The following DCDC2 variants were observed in gnomAD, a reference collection of about 807,000 sequenced individuals.
DCDC2 encodes doublecortin domain-containing protein 2.
DCDC2 carries 40 observed loss-of-function variants against 50.2 expected under a neutral mutation model. That is an observed-to-expected ratio of 0.80 (90% CI 0.62 to 1.04). DCDC2 has a LOEUF of 1.04. DCDC2 is among the 50% of genes least tolerant of loss of function. The pLI, the probability that DCDC2 is intolerant of heterozygous loss-of-function variation, is 0.00. For synonymous variants in DCDC2, 234 were observed against 210.6 expected (o/e 1.11, Z -0.96); for missense variants, 570 against 581.9 (o/e 0.98, Z 0.21).
chr6:24,301,750 T>C lies in DCDC2; in HGVS notation c.522A>G (p.Thr174=), dbSNP rs1257312505. The C allele has an allele frequency of 6.2e-7, 1 of 1,614,182 alleles. No individual in the cohort carries two copies. The highest frequency in any genetic ancestry group is 8.5e-7 in the Non-Finnish European group (1 of 1,180,042). ...NQWDHVLQMV[T]EKITLRSGAV... ...CCCCGCTCCTCAGAGTGATTTTTTC[T>C]GTGACCATTTGTAGTACATGATCCC... Residue 174 remains threonine, a synonymous_variant, in exon 4 of 10, where the codon ACA becomes ACG. Transcript: ENST00000378454.
At chr6:24,255,530 T>C (rs1378737051) in intron 7 of DCDC2, among the ~76,000 whole-genome samples, 2 of 152,138 alleles carry the variant, frequency 1.3e-5, no homozygotes, top group Admixed American at 1.3e-4. Flanking sequence ...TGGAAAAAGA[T>C]ATTTTTGATA....
rs184839964 is a variant in DCDC2 at position 24,318,418 on chromosome 6, T to C, written c.349-16374A>G. Among the ~76,000 whole-genome samples the C allele has an allele frequency of 5.3e-5, 8 of 152,200 alleles. No homozygotes were observed. The East Asian group carries it at 5.8e-4, about 11-fold the overall frequency. ...TTAGTTTTTTTAGTTGTTTTTTGTATAAATTTAAGTGGTACAAGTGCATTT... is the reference window on the plus strand; with the variant it reads ...TTAGTTTTTTTAGTTGTTTTTTGTACAAATTTAAGTGGTACAAGTGCATTT... On this transcript the variant is annotated intron_variant, in intron 2 of 9. Coordinates refer to ENST00000378454, the MANE Select transcript of DCDC2 (RefSeq NM_016356.5).
At chr6:24,379,611 C>G in the DCDC2 span, among the ~76,000 whole-genome samples, 1 of 152,168 alleles carries the variant, frequency 6.6e-6, no homozygotes, top group Admixed American at 6.5e-5. Context: ...ATTAGTTCAA[C>G]CATTGTGGAA....
At chr6:24,371,533 G>C in the DCDC2 span, among the ~76,000 whole-genome samples, 2 of 152,068 alleles carry the variant, frequency 1.3e-5, no homozygotes, top group Admixed American at 6.6e-5. Flanking sequence ...ACTTGAGACT[G>C]GGAGGCAGAG....
intron 7 of DCDC2, among the ~76,000 whole-genome samples, chr6:24,272,900 C>T (rs561566848): frequency 1.3e-5 from 2 of 152,196 alleles, no homozygotes; most frequent in East Asian, 3.9e-4. Flanking sequence ...CAAAAAGACA[C>T]CTGCACTTGT....
chr6:24,263,584 C>A (rs978802033), intron 7 of DCDC2, among the ~76,000 whole-genome samples: 3 of 152,144 alleles, frequency 2.0e-5, no homozygotes, highest in Admixed American at 6.5e-5. Context: ...CTTCATTTGA[C>A]ATACTGAAGA....
chr6:24,284,021 G>A (rs1763536585), intron 6 of DCDC2, among the ~76,000 whole-genome samples: 1 of 152,064 alleles, frequency 6.6e-6, no homozygotes, highest in Admixed American at 6.6e-5. Context: ...CACACGTATT[G>A]TGCATTTGTT....
rs558152803 is a variant in DCDC2, at chr6:24,191,197, C to T, written c.1024-12565G>A. Among the ~76,000 whole-genome samples, 24 of 152,228 alleles carry T rather than the reference C, an allele frequency of 1.6e-4. No individual in the cohort carries two copies. The East Asian group carries it at 2.9e-3, about 18-fold the overall frequency. ...CAGAAAACAGCCTCCTTTATCTTTC[C>T]GCATATTTTATCGTATATGGAAAAG... On this transcript the variant is annotated intron_variant, in intron 8 of 9. Transcript: ENST00000378454.
intron 8 of DCDC2, among the ~76,000 whole-genome samples, chr6:24,185,682 TACACATAC>T (rs1361952533): frequency 6.7e-5 from 5 of 74,194 alleles, no homozygotes; most frequent in African/African-American, 2.6e-4. Context: ...CACCCATCCA[TACACATAC>T]ACACACACAC....
Position 24,182,629 on chromosome 6 carries a change from GAAAA to G in DCDC2, c.1024-4001_1024-3998del, listed in dbSNP as rs71002473. The stretch of plus-strand genomic sequence containing the variant: ...TACCTAACACCCATTATGATGACAA[GAAAA>G]AAAAAAAAAAACAGAAGAAAACAAG... On this transcript the variant is annotated intron_variant, in intron 8 of 9. Coordinates refer to ENST00000378454, the MANE Select transcript of DCDC2 (RefSeq NM_016356.5). 9.1e-4 allele frequency among the ~76,000 whole-genome samples: 96 copies of G among 105,928 alleles called. 2 individuals are homozygous for G. The highest frequency in any genetic ancestry group is 1.6e-3 in the East Asian group (5 of 3,040). 69.5% of individuals were successfully genotyped at this position (105,928 alleles called of 152,430 possible). A position where few individuals can be genotyped will look rare whatever the true frequency, so the allele number is the denominator to read the frequency against.
intron 2 of DCDC2, among the ~76,000 whole-genome samples, chr6:24,324,817 A>G (rs1759829264): frequency 6.6e-6 from 1 of 152,072 alleles, no homozygotes; most frequent in South Asian, 2.1e-4. Flanking sequence ...CAGGTGTTCA[A>G]GGCCACAGTA....
intron 7 of DCDC2, among the ~76,000 whole-genome samples, chr6:24,219,714 A>C (rs2113773418): frequency 6.6e-6 from 1 of 152,342 alleles, no homozygotes; most frequent in East Asian, 1.9e-4. Flanking sequence ...AACCACGTTA[A>C]AATTCTTAAT....
chr6:24,363,634 C>G, the DCDC2 span, among the ~76,000 whole-genome samples: 1 of 152,194 alleles, frequency 6.6e-6, no homozygotes, highest in South Asian at 2.1e-4. Flanking sequence ...TGTGCTAAAA[C>G]CAGACCACAT....
chr6:24,207,196 G>A (rs959611818), intron 7 of DCDC2, among the ~76,000 whole-genome samples: 1 of 151,678 alleles, frequency 6.6e-6, no homozygotes. Context: ...TCATGACCCA[G>A]AGACAGCCAT....
chr6:24,367,611 G>T, the DCDC2 span, among the ~76,000 whole-genome samples: 1 of 152,174 alleles, frequency 6.6e-6, no homozygotes, highest in African/African-American at 2.4e-5. Flanking sequence ...CAAAATGTGA[G>T]GCAAAGAATT....
intron 7 of DCDC2, among the ~76,000 whole-genome samples, chr6:24,256,276 T>TG (rs1762896584): frequency 1.1e-5 from 1 of 94,928 alleles, no homozygotes; most frequent in Non-Finnish European, 2.6e-5. Flanking sequence ...TGCTGGACAT[T>TG]TTTTTTTTTT....
At chr6:24,335,533 C>T (rs1760042934) in intron 2 of DCDC2, among the ~76,000 whole-genome samples, 1 of 152,150 alleles carries the variant, frequency 6.6e-6, no homozygotes, top group Admixed American at 6.5e-5. Context: ...CACCACCACC[C>T]ACAGAAGGTA....
At chr6:24,274,360 C>A (rs1763303672) in intron 7 of DCDC2, among the ~76,000 whole-genome samples, 1 of 152,092 alleles carries the variant, frequency 6.6e-6, no homozygotes, top group Admixed American at 6.5e-5. Context: ...TAGTTGCCAG[C>A]CTCTAAAGCA....
intron 8 of DCDC2, among the ~76,000 whole-genome samples, chr6:24,182,210 T>A (rs144683653): frequency 1.3e-5 from 2 of 152,120 alleles, no homozygotes; most frequent in Non-Finnish European, 2.9e-5. Context: ...ATATAACTCT[T>A]AGAGGAAAAC....
Sources: gnomAD v4.1 joint callset for allele counts (sites outside exome capture counted in the v4.1 genomes callset) on GRCh38, gnomAD v4.1.1 for gene constraint, MANE v1.5 for transcripts, NCBI Gene and HGNC (gene_info 2026-07-23, HGNC 2026-07-21) for gene names.